The following SCHIP1 variants were observed in gnomAD, a reference collection of about 807,000 sequenced individuals.
The protein encoded by SCHIP1 is schwannomin-interacting protein 1.
Under a neutral mutation model 29.7 loss-of-function variants are expected in SCHIP1, and 8 were observed. The observed-to-expected ratio is 0.27, with a 90% CI of 0.16 to 0.49. The LOEUF is 0.49. Among genes scored for constraint, SCHIP1 ranks in the 20% least tolerant of loss-of-function variants. The pLI is 0.99. For missense variants in SCHIP1, 193 were observed against 294.6 expected, an observed-to-expected ratio of 0.66 and a Z score of 2.52; for synonymous variants, 76 against 94.9, an observed-to-expected ratio of 0.80 and a Z score of 1.16.
At chr3:159,299,264 C>T in the SCHIP1 span, among the ~76,000 whole-genome samples, 1 of 152,280 alleles carries the variant, frequency 6.6e-6, no homozygotes, top group Admixed American at 6.5e-5. Flanking sequence ...AGATGCACCC[C>T]TTATGTTTCA....
chr3:159,789,054 G>T, the SCHIP1 span, among the ~76,000 whole-genome samples: 1 of 152,058 alleles, frequency 6.6e-6, no homozygotes, highest in African/African-American at 2.4e-5. Context: ...GACACTTCTA[G>T]TCCCAAGCAT....
the SCHIP1 span, among the ~76,000 whole-genome samples, chr3:159,754,751 C>T: frequency 6.6e-6 from 1 of 152,190 alleles, no homozygotes; most frequent in African/African-American, 2.4e-5. Flanking sequence ...GATGTACAGT[C>T]TCCCTGACTC....
the SCHIP1 span, among the ~76,000 whole-genome samples, chr3:159,660,219 AATG>A: frequency 1.6e-4 from 24 of 152,154 alleles, no homozygotes; most frequent in African/African-American, 5.3e-4. Context: ...CTACCACGCA[AATG>A]ATGATGGGAG....
chr3:159,547,723 T>C, the SCHIP1 span, among the ~76,000 whole-genome samples: 1 of 152,176 alleles, frequency 6.6e-6, no homozygotes, highest in Non-Finnish European at 1.5e-5. Flanking sequence ...TGGTTGTAGA[T>C]GTGTGGTGTT....
At chr3:159,644,456 T>TCC in the SCHIP1 span, among the ~76,000 whole-genome samples, 1 of 151,784 alleles carries the variant, frequency 6.6e-6, no homozygotes, top group Admixed American at 6.6e-5. Context: ...AGGTTATCTG[T>TCC]AATTCTAGTG....
At chr3:159,637,373 A>C in the SCHIP1 span, among the ~76,000 whole-genome samples, 6 of 35,074 alleles carry the variant, frequency 1.7e-4, no homozygotes, top group African/African-American at 2.2e-3. Flanking sequence ...GGCCCCAGCC[A>C]CACACACACA....
chr3:159,425,253 G>A, the SCHIP1 span, among the ~76,000 whole-genome samples: 1 of 152,098 alleles, frequency 6.6e-6, no homozygotes, highest in Non-Finnish European at 1.5e-5. Context: ...TGGCAAATTG[G>A]ATAAAGAGTC....
At chr3:159,843,001 CT>C (rs566940351) in intron 1 of SCHIP1, among the ~76,000 whole-genome samples, 31 of 63,730 alleles carry the variant, frequency 4.9e-4, no homozygotes, top group South Asian at 8.9e-4. Context: ...ATATTTCTTT[CT>C]TTTTTTTTTT....
chr3:159,280,978 C>A, the SCHIP1 span, among the ~76,000 whole-genome samples: 3 of 152,182 alleles, frequency 2.0e-5, no homozygotes. Context: ...GAGTAATCCA[C>A]GATTGCATGT....
At chr3:159,785,466 A>T in the SCHIP1 span, among the ~76,000 whole-genome samples, 2 of 152,180 alleles carry the variant, frequency 1.3e-5, no homozygotes, top group African/African-American at 4.8e-5. Flanking sequence ...AACAGTGATT[A>T]AATATTGACT....
the SCHIP1 span, among the ~76,000 whole-genome samples, chr3:159,694,589 AAAGAAAGAAAGAAAGAAAGG>A: frequency 2.3e-4 from 30 of 133,052 alleles, 1 homozygote; most frequent in African/African-American, 7.9e-4. Context: ...AGAAAGAAAG[AAAGAAAGAAAGAAAGAAAGG>A]AATTATGACC....
chr3:159,580,814 A>T, the SCHIP1 span, among the ~76,000 whole-genome samples: 13 of 152,224 alleles, frequency 8.5e-5, no homozygotes, highest in Admixed American at 2.6e-4. Context: ...GACCTCTCTA[A>T]GAGATGGTTA....
chr3:159,377,575 G>A, the SCHIP1 span, among the ~76,000 whole-genome samples: 1 of 152,198 alleles, frequency 6.6e-6, no homozygotes, highest in Non-Finnish European at 1.5e-5. Context: ...CATTTGAGAT[G>A]CTGAGTGACT....
At chr3:159,853,181 G>C (rs1443147983) in intron 1 of SCHIP1, 1 of 440,752 alleles carries the variant, frequency 2.3e-6, no homozygotes, top group East Asian at 3.6e-5. Flanking sequence ...CGGTGCCAGA[G>C]CAAGGAAAGG....
chr3:159,744,103 T>G, the SCHIP1 span, among the ~76,000 whole-genome samples: 1 of 152,054 alleles, frequency 6.6e-6, no homozygotes, highest in African/African-American at 2.4e-5. Flanking sequence ...GTCATCAAGG[T>G]GAAACACCCA....
At chr3:159,511,455 G>A in the SCHIP1 span, among the ~76,000 whole-genome samples, 8 of 152,180 alleles carry the variant, frequency 5.3e-5, no homozygotes, top group Non-Finnish European at 8.8e-5. Context: ...GCTCACACTC[G>A]GTGCACTGCA....
chr3:159,739,418 G>A, the SCHIP1 span, among the ~76,000 whole-genome samples: 2 of 152,198 alleles, frequency 1.3e-5, no homozygotes, highest in East Asian at 3.9e-4. Context: ...CAGAGATGAC[G>A]GTGGCCTAGA....
At chr3:159,873,451 C>T (rs181988810) in intron 2 of SCHIP1, among the ~76,000 whole-genome samples, 82 of 152,324 alleles carry the variant, frequency 5.4e-4, no homozygotes, top group Middle Eastern at 3.4e-3. Context: ...GAGTTCCTCT[C>T]AGTTGTCTGT....
At chr3:159,337,013 T>C in the SCHIP1 span, among the ~76,000 whole-genome samples, 1 of 152,186 alleles carries the variant, frequency 6.6e-6, no homozygotes, top group African/African-American at 2.4e-5. Context: ...TCCTCTTTTA[T>C]TTCATTGAGC....
Sources: allele counts gnomAD v4.1 joint callset (sites outside exome capture counted in the v4.1 genomes callset), GRCh38; gene constraint gnomAD v4.1.1; transcripts MANE v1.5; gene names NCBI Gene and HGNC (gene_info 2026-07-23, HGNC 2026-07-21).